CNTNAP2: variants seen among roughly 807,000 people sequenced by gnomAD.
CNTNAP2 encodes contactin-associated protein-like 2.
A neutral mutation model predicts 155.2 loss-of-function variants in CNTNAP2; 98 were observed. The ratio of observed to expected loss-of-function variants is 0.63; its 90% CI spans 0.54 to 0.75. CNTNAP2 has a LOEUF of 0.75. CNTNAP2 is among the 30% of genes least tolerant of loss of function. CNTNAP2 has a pLI of 0.00. For missense variants in CNTNAP2, 1,727 were observed against 1,688.1 expected, an observed-to-expected ratio of 1.02 and a Z score of -0.40; for synonymous variants, 651 against 631.2, an observed-to-expected ratio of 1.03 and a Z score of -0.47.
chr7:147,481,307 A>G (rs1798418762), intron 10 of CNTNAP2, among the ~76,000 whole-genome samples: 1 of 152,252 alleles, frequency 6.6e-6, no homozygotes, highest in Admixed American at 6.5e-5. Context: ...AACAATGTCC[A>G]TAAACTACCA....
At chr7:147,861,999 CAAAAAA>C (rs57139075) in intron 13 of CNTNAP2, among the ~76,000 whole-genome samples, 22,761 of 95,094 alleles carry the variant, frequency 0.24, 1,819 homozygotes, top group Middle Eastern at 0.36. Context: ...CTCCATCTCA[CAAAAAA>C]AAAAAAAAAA....
At chr7:146,995,059 G>A (rs1798281287) in intron 3 of CNTNAP2, among the ~76,000 whole-genome samples, 1 of 151,864 alleles carries the variant, frequency 6.6e-6, no homozygotes, top group Non-Finnish European at 1.5e-5. Context: ...TTTGTTTTTT[G>A]ATTCTACATA....
Position 148,253,047 on chromosome 7 carries a change from T to TAGATAGAC in CNTNAP2, c.3382-13983_3382-13982insTAGACAGA, listed in dbSNP as rs750535843. Among the ~76,000 whole-genome samples, 10 of 125,686 alleles carry TAGATAGAC rather than the reference T, an allele frequency of 8.0e-5. No homozygotes were observed. In the South Asian group the frequency reaches 9.3e-4, roughly 12 times the overall value. The allele number at this position is 125,686 out of a possible 152,430, so 82.5% of individuals were successfully genotyped here. On this transcript the variant is annotated intron_variant, in intron 20 of 23. Transcript: ENST00000361727. ...ATAGATAGATAGATAGATAGATAGA[T>TAGATAGAC]AGACAGATGATAGATAGATAGATAG...
At chr7:148,017,448 T>C (rs1320551552) in intron 15 of CNTNAP2, among the ~76,000 whole-genome samples, 1 of 152,228 alleles carries the variant, frequency 6.6e-6, no homozygotes, top group Non-Finnish European at 1.5e-5. Flanking sequence ...AGGCTGCTTA[T>C]GTTAAAAATT....
intron 13 of CNTNAP2, among the ~76,000 whole-genome samples, chr7:147,775,426 TA>T (rs1797570533): frequency 8.0e-6 from 1 of 125,412 alleles, no homozygotes; most frequent in Non-Finnish European, 1.6e-5. Flanking sequence ...TATATATATA[TA>T]TCTGAAGAAA....
intron 1 of CNTNAP2, among the ~76,000 whole-genome samples, chr7:146,401,332 T>C (rs1475193333): frequency 6.6e-6 from 1 of 152,052 alleles, no homozygotes; most frequent in Non-Finnish European, 1.5e-5. Context: ...ACTAGGCAAG[T>C]AACGGAGCTG....
intron 12 of CNTNAP2, among the ~76,000 whole-genome samples, chr7:147,575,610 C>T (rs943513058): frequency 6.6e-5 from 10 of 151,640 alleles, no homozygotes; most frequent in Non-Finnish European, 1.3e-4. Context: ...CCAGTGTTTA[C>T]TCACCATCCT....
intron 13 of CNTNAP2, among the ~76,000 whole-genome samples, chr7:147,847,871 G>A (rs1480993591): frequency 1.8e-5 from 2 of 109,062 alleles, no homozygotes; most frequent in Non-Finnish European, 3.7e-5. Context: ...AGGTGTCAGT[G>A]TGCCCCTGCT....
chr7:148,212,044 A>G (rs1795560121), intron 18 of CNTNAP2, among the ~76,000 whole-genome samples: 1 of 152,200 alleles, frequency 6.6e-6, no homozygotes, highest in African/African-American at 2.4e-5. Flanking sequence ...GGCAAAAGGA[A>G]TAGAATTATT....
chr7:146,655,363 G>A (rs1381737515), intron 1 of CNTNAP2, among the ~76,000 whole-genome samples: 1 of 140,538 alleles, frequency 7.1e-6, no homozygotes, highest in Non-Finnish European at 1.5e-5. Context: ...GCAGTGAGTC[G>A]CGATGGCACC....
intron 1 of CNTNAP2, among the ~76,000 whole-genome samples, chr7:146,710,408 T>C (rs1801042949): frequency 6.6e-6 from 1 of 152,184 alleles, no homozygotes; most frequent in African/African-American, 2.4e-5. Context: ...CCTTCATTCT[T>C]GTTGACACAG....
intron 3 of CNTNAP2, among the ~76,000 whole-genome samples, chr7:146,844,430 A>C (rs1469333932): frequency 6.6e-6 from 1 of 152,164 alleles, no homozygotes; most frequent in South Asian, 2.1e-4. Flanking sequence ...CCAAAAAATC[A>C]TTACATCTAC....
chr7:146,299,486 T>C (rs1800569944), intron 1 of CNTNAP2, among the ~76,000 whole-genome samples: 1 of 152,114 alleles, frequency 6.6e-6, no homozygotes, highest in African/African-American at 2.4e-5. Flanking sequence ...TGGGCTCAAG[T>C]AATCCTCCCA....
intron 11 of CNTNAP2, among the ~76,000 whole-genome samples, chr7:147,500,718 A>C (rs568136274): frequency 7.4e-4 from 113 of 152,332 alleles, no homozygotes; most frequent in African/African-American, 2.6e-3. Flanking sequence ...CTTGCTACAT[A>C]AGAGAAGCTT....
intron 2 of CNTNAP2, among the ~76,000 whole-genome samples, chr7:146,837,330 G>T (rs909551704): frequency 6.6e-6 from 1 of 151,814 alleles, no homozygotes; most frequent in African/African-American, 2.4e-5. Flanking sequence ...TTTCTTCTGT[G>T]TCTCATCTGC....
chr7:148,369,801 G>A (rs149120377), intron 21 of CNTNAP2, among the ~76,000 whole-genome samples: 41 of 152,166 alleles, frequency 2.7e-4, no homozygotes, highest in Non-Finnish European at 3.7e-4. Flanking sequence ...TCTACGCCCT[G>A]TGTGTACAGA....
At chr7:148,158,362 A>G (rs1173253759) in intron 17 of CNTNAP2, among the ~76,000 whole-genome samples, 1 of 151,544 alleles carries the variant, frequency 6.6e-6, no homozygotes, top group African/African-American at 2.4e-5. Flanking sequence ...AGCTGGGACT[A>G]CAGGCACACG....
intron 1 of CNTNAP2, among the ~76,000 whole-genome samples, chr7:146,356,552 T>C (rs1365063940): frequency 6.6e-6 from 1 of 152,168 alleles, no homozygotes; most frequent in Non-Finnish European, 1.5e-5. Flanking sequence ...ATCAATAAGC[T>C]AATGAACATC....
At chr7:146,510,980 T>C (rs1372892283) in intron 1 of CNTNAP2, among the ~76,000 whole-genome samples, 1 of 152,114 alleles carries the variant, frequency 6.6e-6, no homozygotes, top group Non-Finnish European at 1.5e-5. Context: ...CACTGCAAGC[T>C]CCACCTCCCG....
Sources: gnomAD v4.1 joint callset for allele counts (sites outside exome capture counted in the v4.1 genomes callset) on GRCh38, gnomAD v4.1.1 for gene constraint, MANE v1.5 for transcripts, NCBI Gene and HGNC (gene_info 2026-07-23, HGNC 2026-07-21) for gene names.